The following HDAC9 variants were observed in gnomAD, a reference collection of about 807,000 sequenced individuals.
HDAC9 encodes MEF-2 interacting transcription repressor (MITR) protein.
In HDAC9, 41 loss-of-function variants were observed where a neutral mutation model predicts 139.4. The observed-to-expected ratio is 0.29, with a 90% confidence interval of 0.23 to 0.38. The LOEUF is 0.38. HDAC9 is among the 10% of genes least tolerant of loss of function. HDAC9 has a pLI of 1.00. For synonymous variants in HDAC9, 517 were observed against 476.2 expected (o/e 1.09, Z -1.12); for missense variants, 1,147 against 1,297.0 (o/e 0.88, Z 1.78).
chr7:18,459,528 C>A (rs892517685), intron 1 of HDAC9, among the ~76,000 whole-genome samples: 1 of 151,782 alleles, frequency 6.6e-6, no homozygotes, highest in Non-Finnish European at 1.5e-5. Flanking sequence ...TGTAAGCTTC[C>A]TTTGACTGAC....
chr7:18,650,567 C>T (rs10249580), intron 11 of HDAC9, among the ~76,000 whole-genome samples: 4,461 of 152,198 alleles, frequency 0.029, 251 homozygotes, highest in African/African-American at 0.1. Context: ...GAGATTTTGA[C>T]AGGCGAATGC....
intron 6 of HDAC9, among the ~76,000 whole-genome samples, chr7:18,628,695 A>G (rs1035414408): frequency 1.3e-5 from 2 of 152,136 alleles, no homozygotes; most frequent in African/African-American, 4.8e-5. Flanking sequence ...CTAACTCAGA[A>G]CCTTCAATTC....
chr7:18,784,524 AC>A (rs1791533187), intron 16 of HDAC9, among the ~76,000 whole-genome samples: 1 of 152,048 alleles, frequency 6.6e-6, no homozygotes, highest in South Asian at 2.1e-4. Flanking sequence ...CAAAAAAAAA[AC>A]TGAAGGCCAC....
chr7:18,486,859 A>C (rs1255527455), intron 1 of HDAC9, among the ~76,000 whole-genome samples: 6 of 152,096 alleles, frequency 3.9e-5, no homozygotes. Flanking sequence ...TGTGTGCCTG[A>C]CATTTATTTG....
intron 12 of HDAC9, among the ~76,000 whole-genome samples, chr7:18,725,499 G>A (rs1184188731): frequency 6.6e-6 from 1 of 152,070 alleles, no homozygotes; most frequent in Non-Finnish European, 1.5e-5. Context: ...TTGTGTTAAT[G>A]TCTTGCTTAC....
chr7:18,784,968 T>A (rs1562939443), intron 16 of HDAC9, among the ~76,000 whole-genome samples: 1 of 150,894 alleles, frequency 6.6e-6, no homozygotes, highest in Non-Finnish European at 1.5e-5. Flanking sequence ...TGTGTGTGTG[T>A]GTGTGTCTGT....
In HDAC9 at chr7:18,917,465, C is replaced by T. The variant is rs571400676; in HGVS notation, c.2804-18344C>T. On this transcript the variant is annotated intron_variant, in intron 22 of 25. Coordinates refer to ENST00000686413, the MANE Select transcript of HDAC9 (RefSeq NM_178425.4). The stretch of plus-strand genomic sequence containing the variant: ...ACGTATATATGAAAAAAGACAGTAT[C>T]TGATTGAGCAAATTCTGCAAGCAAA... Among the ~76,000 whole-genome samples the T allele has an allele frequency of 8.2e-3, 1,251 of 151,936 alleles. 8 individuals carry two copies. Among genetic ancestry groups the T allele is most frequent in the Non-Finnish European group, 0.014 (933 of 67,884 alleles).
intron 2 of HDAC9, among the ~76,000 whole-genome samples, chr7:18,232,868 C>T (rs1207430068): frequency 2.0e-5 from 3 of 152,178 alleles, no homozygotes; most frequent in Non-Finnish European, 4.4e-5. Flanking sequence ...CCACTATTAT[C>T]ATTCTCTGCT....
At chr7:18,154,095 A>G (rs552145925) in intron 1 of HDAC9, among the ~76,000 whole-genome samples, 1 of 152,326 alleles carries the variant, frequency 6.6e-6, no homozygotes, top group Non-Finnish European at 1.5e-5. Context: ...TATCCGGGGA[A>G]TAGACTTCAT....
chr7:18,987,594 G>A (rs1294661684), intron 25 of HDAC9, among the ~76,000 whole-genome samples: 1 of 152,132 alleles, frequency 6.6e-6, no homozygotes, highest in Non-Finnish European at 1.5e-5. Context: ...AATGAGTTAG[G>A]GAGGATTCCC....
intron 14 of HDAC9, among the ~76,000 whole-genome samples, chr7:18,754,808 C>A (rs1788740645): frequency 1.3e-5 from 2 of 152,066 alleles, no homozygotes; most frequent in Non-Finnish European, 2.9e-5. Flanking sequence ...TCCAGCATAT[C>A]TTCTTGCACA....
chr7:18,404,359 C>T (rs1787816288), intron 1 of HDAC9, among the ~76,000 whole-genome samples: 1 of 151,766 alleles, frequency 6.6e-6, no homozygotes. Flanking sequence ...AATAATAAAT[C>T]ATGTAAACGA....
In HDAC9 at chr7:18,548,067, T is replaced by G. The variant is rs545947978; in HGVS notation, c.23-37214T>G. Among the ~76,000 whole-genome samples, 5 of 152,146 alleles carry G rather than the reference T, an allele frequency of 3.3e-5. No individual in the cohort carries two copies. In the East Asian group the frequency reaches 9.6e-4, roughly 29 times the overall value. ...AAGAGAGATGTGCAACTCTTTCTCTTTCACTTGAACACTTAGAGGCCATTG... is the reference window on the plus strand; with the variant it reads ...AAGAGAGATGTGCAACTCTTTCTCTGTCACTTGAACACTTAGAGGCCATTG... On this transcript the variant is annotated intron_variant, in intron 2 of 25. Coordinates refer to ENST00000686413, the MANE Select transcript of HDAC9 (RefSeq NM_178425.4).
chr7:18,350,985 T>C (rs1488512533), intron 1 of HDAC9, among the ~76,000 whole-genome samples: 1 of 151,166 alleles, frequency 6.6e-6, no homozygotes. Flanking sequence ...CTGAAATACA[T>C]TTTATAACCC....
At chr7:18,564,342 A>G (rs1369144302) in intron 2 of HDAC9, among the ~76,000 whole-genome samples, 2 of 152,224 alleles carry the variant, frequency 1.3e-5, no homozygotes, top group African/African-American at 4.8e-5. Flanking sequence ...TTATTGATAA[A>G]TAAATGAGAA....
At chr7:18,703,110 C>A (rs1783631267) in intron 12 of HDAC9, among the ~76,000 whole-genome samples, 3 of 152,006 alleles carry the variant, frequency 2.0e-5, no homozygotes, top group Admixed American at 2.0e-4. Flanking sequence ...TCATTTTATT[C>A]TTTCCTGAAA....
chr7:18,306,736 T>C (rs974921587), intron 1 of HDAC9, among the ~76,000 whole-genome samples: 2 of 152,210 alleles, frequency 1.3e-5, no homozygotes, highest in African/African-American at 2.4e-5. Context: ...GACTTTAAGA[T>C]TTCTACAGTT....
At chr7:18,720,907 C>G (rs1208781871) in intron 12 of HDAC9, among the ~76,000 whole-genome samples, 2 of 152,052 alleles carry the variant, frequency 1.3e-5, no homozygotes, top group African/African-American at 4.8e-5. Flanking sequence ...TCTTGAACTC[C>G]TGGGCTCAAG....
intron 2 of HDAC9, among the ~76,000 whole-genome samples, chr7:18,188,044 A>G (rs942652391): frequency 2.0e-5 from 3 of 152,214 alleles, no homozygotes; most frequent in African/African-American, 7.2e-5. Flanking sequence ...CAGCCAAGAC[A>G]ATCTTAAGCA....
Sources: allele counts gnomAD v4.1 joint callset (sites outside exome capture counted in the v4.1 genomes callset), GRCh38; gene constraint gnomAD v4.1.1; transcripts MANE v1.5; gene names NCBI Gene and HGNC (gene_info 2026-07-23, HGNC 2026-07-21).